AAMDC: variants seen among roughly 807,000 people sequenced by gnomAD.
AAMDC encodes adipogenesis associated Mth938 domain containing.
Under a neutral mutation model 15.5 loss-of-function variants are expected in AAMDC, and 16 were observed. The ratio of observed to expected loss-of-function variants is 1.03; its 90% CI spans 0.70 to 1.57. The LOEUF is 1.57. AAMDC is among the 40% of genes most tolerant of loss of function. The probability of loss-of-function intolerance (pLI) is 0.00; values close to 1 mark genes in which losing one functional copy is unlikely to be tolerated. For missense variants in AAMDC, 141 were observed against 144.9 expected (o/e 0.97, Z 0.14); for synonymous variants, 51 against 51.6 (o/e 0.99, Z 0.05).
intron 5 of AAMDC, among the ~76,000 whole-genome samples, chr11:77,880,508 C>T (rs1327120991): frequency 6.6e-6 from 1 of 152,198 alleles, no homozygotes; most frequent in Non-Finnish European, 1.5e-5. Context: ...TGTCATGAAA[C>T]TAACACTGTT....
chr11:77,894,815 C>A (rs1458780750), intron 5 of AAMDC, among the ~76,000 whole-genome samples: 2 of 152,330 alleles, frequency 1.3e-5, no homozygotes, highest in African/African-American at 2.4e-5. Context: ...CAAGATCTAT[C>A]CAGTTTCAAG....
chr11:77,898,174 T>C (rs928268045), intron 5 of AAMDC, among the ~76,000 whole-genome samples: 1 of 152,084 alleles, frequency 6.6e-6, no homozygotes, highest in Non-Finnish European at 1.5e-5. Flanking sequence ...AAATTATTAT[T>C]ATTATTTGAG....
At chr11:77,877,263 A>G (rs913023628), downstream of AAMDC, among the ~76,000 whole-genome samples, 2 of 152,194 alleles carry the variant, frequency 1.3e-5, no homozygotes, top group African/African-American at 4.8e-5. Context: ...GAGTTAATTA[A>G]TTAATGTAAA....
chr11:77,900,812 A>C, downstream of AAMDC: 1 of 589,680 alleles, frequency 1.7e-6, no homozygotes, highest in Admixed American at 3.0e-5. Context: ...AGTCTTACAG[A>C]TATAATTACA....
intron 2 of AAMDC, among the ~76,000 whole-genome samples, chr11:77,844,019 C>T (rs1950039829): frequency 6.6e-6 from 1 of 152,132 alleles, no homozygotes; most frequent in African/African-American, 2.4e-5. Flanking sequence ...ATTCAATCAC[C>T]TCCCACCGAG....
chr11:77,870,329 A>ATTTTT (rs965312288), intron 3 of AAMDC, among the ~76,000 whole-genome samples: 2 of 87,980 alleles, frequency 2.3e-5, no homozygotes, highest in African/African-American at 4.9e-5. Context: ...CTATTTTTTA[A>ATTTTT]TTTTTTTTTT....
intron 3 of AAMDC, 157 bp from the exon 4 acceptor site, chr11:77,872,018 G>T: frequency 1.6e-6 from 1 of 606,250 alleles, no homozygotes. Flanking sequence ...TGACTCATTG[G>T]GGCTCACTGC....
intron 3 of AAMDC, among the ~76,000 whole-genome samples, chr11:77,870,612 C>T (rs931061231): frequency 5.3e-5 from 8 of 152,046 alleles, no homozygotes; most frequent in Non-Finnish European, 7.4e-5. Flanking sequence ...GTTGGGATTA[C>T]GGGTGTGAGC....
At position 77,855,877 on chromosome 11, in the gene AAMDC, G is replaced by A. The variant is rs181622880; in HGVS notation, c.132+13249G>A. ...CACTTTGGGAGGCCAAGGTTATGAG[G>A]TGGGCCAAGGTGAGCAGATTGCTTA... On this transcript the variant is annotated intron_variant, in intron 2 of 3. Coordinates refer to ENST00000393427, the MANE Select transcript of AAMDC (RefSeq NM_024684.4). 8.6e-3 allele frequency among the ~76,000 whole-genome samples: 1,310 copies of A among 152,132 alleles called. 10 individuals carry two copies. Among genetic ancestry groups the A allele is most frequent in the Non-Finnish European group, 0.015 (1,000 of 67,988 alleles).
chr11:77,877,749 A>AT (rs34288319), intron 5 of AAMDC, among the ~76,000 whole-genome samples: 22,696 of 148,510 alleles, frequency 0.15, 1,882 homozygotes, highest in Admixed American at 0.21. Flanking sequence ...CACACTTGCA[A>AT]TTTTTTTTTT....
intron 5 of AAMDC, among the ~76,000 whole-genome samples, chr11:77,881,750 A>G (rs934769455): frequency 2.0e-5 from 3 of 152,222 alleles, no homozygotes; most frequent in Admixed American, 6.5e-5. Context: ...TCCCTGCTCT[A>G]TAGAAGCCTA....
At chr11:77,876,927 T>C (rs616354), downstream of AAMDC, 233,793 of 702,140 alleles carry the variant, frequency 0.33, 40,782 homozygotes, top group East Asian at 0.49. Context: ...GCAGCAGCCA[T>C]GGTTCTTCAT....
intron 2 of AAMDC, among the ~76,000 whole-genome samples, chr11:77,843,456 A>G (rs1950017759): frequency 6.6e-6 from 1 of 152,212 alleles, no homozygotes; most frequent in African/African-American, 2.4e-5. Flanking sequence ...GAAGCCTTCC[A>G]GCTAGATGCT....
downstream of AAMDC, among the ~76,000 whole-genome samples, chr11:77,875,864 A>G (rs648601): frequency 0.22 from 33,727 of 152,054 alleles, 3,811 homozygotes; most frequent in Middle Eastern, 0.24. Context: ...AGGTGACAGA[A>G]AAAGACTACA....
Position 77,869,717 on chromosome 11 carries a change from T to A in AAMDC, c.133-5T>A. 5 of 1,613,478 alleles carry A rather than the reference T, an allele frequency of 3.1e-6. No homozygotes were observed. Among genetic ancestry groups the A allele is most frequent in the Non-Finnish European group, 4.2e-6 (5 of 1,179,552 alleles). On this transcript the variant is annotated splice_region_variant and splice_polypyrimidine_tract_variant and intron_variant, in intron 2 of 3. Transcript: ENST00000393427. ...TACCTGTCTACTTTCTCTTTCCACA[T>A]CCAGCATTCTCCTGGTGTGCAGCCT...
intron 1 of AAMDC, among the ~76,000 whole-genome samples, chr11:77,834,599 C>A (rs568977346): frequency 6.6e-6 from 1 of 152,048 alleles, no homozygotes; most frequent in Admixed American, 6.6e-5. Context: ...ATTTTTGGTA[C>A]ATATGGGTTT....
At chr11:77,828,595 C>T (rs1338837347) in intron 1 of AAMDC, among the ~76,000 whole-genome samples, 1 of 148,162 alleles carries the variant, frequency 6.7e-6, no homozygotes, top group African/African-American at 2.5e-5. Context: ...GGCGTGAACC[C>T]GGGAGGTGGA....
At chr11:77,896,569 T>C in intron 5 of AAMDC, among the ~76,000 whole-genome samples, 1 of 151,756 alleles carries the variant, frequency 6.6e-6, no homozygotes, top group Non-Finnish European at 1.5e-5. Context: ...GGAGAATCTC[T>C]TGAACCCGGG....
chr11:77,823,986 G>A (rs535929346), intron 1 of AAMDC, among the ~76,000 whole-genome samples: 1 of 152,020 alleles, frequency 6.6e-6, no homozygotes, highest in East Asian at 1.9e-4. Flanking sequence ...CAAACAGACT[G>A]ATAAATAAAG....
Sources: allele counts gnomAD v4.1 joint callset (sites outside exome capture counted in the v4.1 genomes callset), GRCh38; gene constraint gnomAD v4.1.1; transcripts MANE v1.5; gene names NCBI Gene and HGNC (gene_info 2026-07-23, HGNC 2026-07-21).